The following MALRD1 variants were observed in gnomAD, a reference collection of about 807,000 sequenced individuals.
MALRD1 encodes MAM and LDL receptor class A domain containing 1.
Under a neutral mutation model 242.1 loss-of-function variants are expected in MALRD1, and 247 were observed. The ratio of observed to expected loss-of-function variants is 1.02; its 90% CI spans 0.92 to 1.13. The LOEUF (loss-of-function observed/expected upper bound fraction) is 1.13. Ranked by LOEUF, MALRD1 falls within the 50% of genes most tolerant of loss-of-function variation. The probability of loss-of-function intolerance (pLI) is 0.00; values close to 1 mark genes in which losing one functional copy is unlikely to be tolerated. For missense variants in MALRD1, 2,989 were observed against 2,533.1 expected (o/e 1.18, Z -3.86); for synonymous variants, 995 against 866.6 (o/e 1.15, Z -2.60).
intron 2 of MALRD1, among the ~76,000 whole-genome samples, chr10:19,083,414 T>C (rs1455473518): frequency 3.3e-5 from 5 of 152,002 alleles, no homozygotes; most frequent in Admixed American, 3.3e-4. Flanking sequence ...CAGGAATATG[T>C]TGGAACTTTT....
chr10:19,516,283 G>C (rs960384360), intron 31 of MALRD1, among the ~76,000 whole-genome samples: 1 of 152,034 alleles, frequency 6.6e-6, no homozygotes, highest in African/African-American at 2.4e-5. Context: ...ATTTATGCAA[G>C]TGCTCATTTT....
chr10:19,726,750 G>T (rs1034429167), intron 38 of MALRD1, among the ~76,000 whole-genome samples: 2 of 152,110 alleles, frequency 1.3e-5, no homozygotes, highest in Admixed American at 1.3e-4. Context: ...ACATGCAAGG[G>T]AATATTATTC....
intron 36 of MALRD1, among the ~76,000 whole-genome samples, chr10:19,662,520 T>C (rs1314650873): frequency 6.6e-6 from 1 of 152,172 alleles, no homozygotes; most frequent in Non-Finnish European, 1.5e-5. Flanking sequence ...ACTCTCCCAC[T>C]CTTAAAACGT....
intron 36 of MALRD1, among the ~76,000 whole-genome samples, chr10:19,631,964 G>A (rs1839920935): frequency 6.6e-6 from 1 of 152,120 alleles, no homozygotes; most frequent in African/African-American, 2.4e-5. Flanking sequence ...AGTTTCTTCT[G>A]CTGCTGCACT....
At position 19,323,299 on chromosome 10, in the gene MALRD1, A is replaced by G. The variant is rs551332658; in HGVS notation, c.3420-650A>G. The stretch of plus-strand genomic sequence containing the variant: ...TTTTATGTTTCTTCTAAAGGCAATC[A>G]GTGCTTTAGGGCCTCATTTTATTCA... On this transcript the variant is annotated intron_variant, in intron 21 of 39. Coordinates refer to ENST00000454679, the MANE Select transcript of MALRD1 (RefSeq NM_001142308.3). Among the ~76,000 whole-genome samples, 13 of 152,206 alleles carry G rather than the reference A, an allele frequency of 8.5e-5. No homozygotes were observed. The East Asian group carries it at 1.5e-3, about 18-fold the overall frequency.
chr10:19,452,959 T>C (rs1835410198), intron 29 of MALRD1, among the ~76,000 whole-genome samples: 2 of 152,198 alleles, frequency 1.3e-5, no homozygotes, highest in Non-Finnish European at 2.9e-5. Context: ...ATTGAGAAGA[T>C]GAAAATAGTA....
At chr10:19,577,341 C>T (rs888573504) in intron 33 of MALRD1, among the ~76,000 whole-genome samples, 1 of 151,998 alleles carries the variant, frequency 6.6e-6, no homozygotes, top group African/African-American at 2.4e-5. Context: ...TTCCTTTTTG[C>T]TCCTAGAAGG....
At chr10:19,260,842 A>G (rs1255367899) in intron 19 of MALRD1, among the ~76,000 whole-genome samples, 1 of 152,160 alleles carries the variant, frequency 6.6e-6, no homozygotes, top group Non-Finnish European at 1.5e-5. Flanking sequence ...TCTTGGAACC[A>G]TAATGTTCAC....
Position 19,608,988 on chromosome 10 carries a change from C to T in MALRD1, c.6070+1086C>T, listed in dbSNP as rs556466281. 6.6e-5 allele frequency among the ~76,000 whole-genome samples: 10 copies of T among 152,176 alleles called. 1 individual carries two copies. In the South Asian group the frequency reaches 2.1e-3, roughly 32 times the overall value. On this transcript the variant is annotated intron_variant, in intron 35 of 39. Coordinates refer to ENST00000454679, the MANE Select transcript of MALRD1 (RefSeq NM_001142308.3). Reference sequence around the variant, plus strand: ...GCTCTATTCTTTGACACTATTAAGACAGTATTTATGCCAGACCCAAACTTA... The same window carrying T: ...GCTCTATTCTTTGACACTATTAAGATAGTATTTATGCCAGACCCAAACTTA...
chr10:19,513,201 C>T (rs1043039992), intron 31 of MALRD1, among the ~76,000 whole-genome samples: 17 of 152,048 alleles, frequency 1.1e-4, no homozygotes, highest in East Asian at 1.9e-4. Context: ...TCCTCATGAA[C>T]GGCATGGTGC....
intron 26 of MALRD1, among the ~76,000 whole-genome samples, chr10:19,383,853 C>G (rs1354335318): frequency 6.6e-6 from 1 of 151,536 alleles, no homozygotes; most frequent in South Asian, 2.1e-4. Context: ...AGTACATTCT[C>G]CAGGACTTTG....
intron 33 of MALRD1, among the ~76,000 whole-genome samples, chr10:19,572,931 G>A (rs1288663490): frequency 6.6e-6 from 1 of 152,170 alleles, no homozygotes; most frequent in Non-Finnish European, 1.5e-5. Flanking sequence ...CAGACTTCTG[G>A]CCTCCACAAC....
At chr10:19,592,728 GAC>G (rs71949886) in intron 33 of MALRD1, among the ~76,000 whole-genome samples, 49,337 of 122,958 alleles carry the variant, frequency 0.4, 9,215 homozygotes, top group Admixed American at 0.53. Flanking sequence ...AAAATATAAA[GAC>G]ACACACACAC....
chr10:19,124,456 C>T, intron 6 of MALRD1, 68 bp from the exon 7 acceptor site: 1 of 1,207,188 alleles, frequency 8.3e-7, no homozygotes, highest in Non-Finnish European at 1.0e-6. Flanking sequence ...TTGATTACAA[C>T]ACATAACTTG....
At chr10:19,191,112 AC>A (rs1835956520) in intron 14 of MALRD1, among the ~76,000 whole-genome samples, 1 of 152,194 alleles carries the variant, frequency 6.6e-6, no homozygotes, top group Non-Finnish European at 1.5e-5. Flanking sequence ...TCAATAATAA[AC>A]CAACAGCTCA....
intron 34 of MALRD1, among the ~76,000 whole-genome samples, chr10:19,603,877 T>C (rs1052125647): frequency 7.2e-5 from 11 of 152,136 alleles, no homozygotes; most frequent in African/African-American, 2.7e-4. Flanking sequence ...GTAAATTTAA[T>C]TGATAAATGT....
chr10:19,133,318 A>T (rs142976417), intron 8 of MALRD1, among the ~76,000 whole-genome samples: 5 of 152,310 alleles, frequency 3.3e-5, no homozygotes, highest in Non-Finnish European at 7.4e-5. Context: ...TGATAGAATG[A>T]CCAAATTAAG....
At chr10:19,260,303 A>G (rs751848616) in intron 19 of MALRD1, among the ~76,000 whole-genome samples, 1 of 152,166 alleles carries the variant, frequency 6.6e-6, no homozygotes, top group African/African-American at 2.4e-5. Context: ...ACAGACAGAT[A>G]GATCTTAATC....
intron 36 of MALRD1, among the ~76,000 whole-genome samples, chr10:19,628,656 G>A (rs1024211095): frequency 1.3e-5 from 2 of 152,102 alleles, no homozygotes; most frequent in African/African-American, 4.8e-5. Context: ...GGGGGAAAGA[G>A]AGATTTCATA....
Sources: allele counts gnomAD v4.1 joint callset (sites outside exome capture counted in the v4.1 genomes callset), GRCh38; gene constraint gnomAD v4.1.1; transcripts MANE v1.5; gene names NCBI Gene and HGNC (gene_info 2026-07-23, HGNC 2026-07-21).